The following RGS7 variants were observed in gnomAD, a reference collection of about 807,000 sequenced individuals.
The protein encoded by RGS7 is regulator of G protein signaling 7.
In RGS7, 27 loss-of-function variants were observed where a neutral mutation model predicts 81.1. The ratio of observed to expected loss-of-function variants is 0.33; its 90% CI spans 0.25 to 0.46. The LOEUF is 0.46. Among genes scored for constraint, RGS7 ranks in the 20% least tolerant of loss-of-function variants. The pLI is 1.00. For synonymous variants in RGS7, 208 were observed against 207.7 expected (o/e 1.00, Z -0.01); for missense variants, 396 against 607.4 (o/e 0.65, Z 3.66).
intron 2 of RGS7, among the ~76,000 whole-genome samples, chr1:241,256,708 G>T (rs906541607): frequency 6.6e-6 from 1 of 152,182 alleles, no homozygotes; most frequent in East Asian, 1.9e-4. Flanking sequence ...CAGGGAGTGA[G>T]AACAAGGTCT....
At chr1:240,999,498 T>A (rs1255737138) in intron 3 of RGS7, among the ~76,000 whole-genome samples, 1 of 152,236 alleles carries the variant, frequency 6.6e-6, no homozygotes, top group Non-Finnish European at 1.5e-5. Context: ...AAAATCTTTG[T>A]AAGCTAATCT....
intron 3 of RGS7, among the ~76,000 whole-genome samples, chr1:241,079,962 A>C (rs926910143): frequency 6.6e-6 from 1 of 152,160 alleles, no homozygotes; most frequent in Non-Finnish European, 1.5e-5. Flanking sequence ...TGTGAGAAAC[A>C]ATTTCAAGAG....
At chr1:240,967,684 T>C (rs1452448940) in intron 4 of RGS7, among the ~76,000 whole-genome samples, 1 of 149,160 alleles carries the variant, frequency 6.7e-6, no homozygotes, top group Admixed American at 6.7e-5. Flanking sequence ...ATATGGGGAG[T>C]AGGAAAGACA....
chr1:241,301,831 T>C (rs6429257), intron 2 of RGS7, among the ~76,000 whole-genome samples: 146,533 of 152,328 alleles, frequency 0.96, 70,731 homozygotes, highest in East Asian at 1. Flanking sequence ...GCAATGTGCA[T>C]TACCTTTATC....
intron 2 of RGS7, among the ~76,000 whole-genome samples, chr1:241,153,075 C>A (rs950630026): frequency 6.6e-6 from 1 of 152,212 alleles, no homozygotes; most frequent in African/African-American, 2.4e-5. Context: ...ACAAATAATA[C>A]ATTTCCCATA....
At chr1:240,862,128 C>T (rs770922787) in intron 9 of RGS7, among the ~76,000 whole-genome samples, 1 of 151,878 alleles carries the variant, frequency 6.6e-6, no homozygotes, top group Non-Finnish European at 1.5e-5. Context: ...GTTAAGAGTC[C>T]TTTTTAGTGT....
intron 2 of RGS7, among the ~76,000 whole-genome samples, chr1:241,182,719 G>C (rs2071733072): frequency 6.7e-6 from 1 of 150,172 alleles, no homozygotes; most frequent in Non-Finnish European, 1.5e-5. Context: ...TGTGATCTCG[G>C]CTCAGTGCAA....
chr1:241,128,128 A>T (rs1049281773), intron 2 of RGS7, among the ~76,000 whole-genome samples: 16 of 151,900 alleles, frequency 1.1e-4, no homozygotes, highest in African/African-American at 3.9e-4. Context: ...AATACAAAAA[A>T]TTAGCCGGGC....
intron 2 of RGS7, among the ~76,000 whole-genome samples, chr1:241,229,783 C>G (rs1278509727): frequency 6.6e-6 from 1 of 152,158 alleles, no homozygotes; most frequent in African/African-American, 2.4e-5. Context: ...GGGAAATGAT[C>G]AGAACTATTT....
chr1:241,025,835 A>G (rs567701359), intron 3 of RGS7, among the ~76,000 whole-genome samples: 105 of 152,310 alleles, frequency 6.9e-4, no homozygotes, highest in Admixed American at 2.9e-3. Context: ...AATTCACAAA[A>G]TATGATTGAC....
At chr1:241,203,345 G>A (rs1186908917) in intron 2 of RGS7, among the ~76,000 whole-genome samples, 1 of 152,132 alleles carries the variant, frequency 6.6e-6, no homozygotes, top group African/African-American at 2.4e-5. Flanking sequence ...CGATTCTCCT[G>A]TCTCAGCCTC....
chr1:240,990,223 T>G (rs912624798), intron 3 of RGS7, among the ~76,000 whole-genome samples: 3 of 152,174 alleles, frequency 2.0e-5, no homozygotes, highest in Admixed American at 6.5e-5. Flanking sequence ...ATGAGTGCTT[T>G]GCAGACATAA....
At chr1:241,075,851 T>G (rs1443108977) in intron 3 of RGS7, among the ~76,000 whole-genome samples, 1 of 152,214 alleles carries the variant, frequency 6.6e-6, no homozygotes, top group Non-Finnish European at 1.5e-5. Context: ...CTCATCACCT[T>G]GAGGTACTGT....
At chr1:241,016,959 T>C (rs1191762169) in intron 3 of RGS7, among the ~76,000 whole-genome samples, 2 of 152,204 alleles carry the variant, frequency 1.3e-5, no homozygotes, top group Admixed American at 1.3e-4. Flanking sequence ...TGATTCTATT[T>C]TATCTCCTCT....
intron 2 of RGS7, among the ~76,000 whole-genome samples, chr1:241,238,966 C>CTCTCT (rs397786851): frequency 0.12 from 13,108 of 106,842 alleles, 955 homozygotes; most frequent in Middle Eastern, 0.16. Context: ...GCCTCTCTCT[C>CTCTCT]TTTTTTTTTT....
chr1:241,266,720 C>T (rs751795653), intron 2 of RGS7, among the ~76,000 whole-genome samples: 1 of 152,202 alleles, frequency 6.6e-6, no homozygotes, highest in Non-Finnish European at 1.5e-5. Flanking sequence ...ATTCATTCAA[C>T]TAACATTTAC....
At chr1:240,879,983 T>C (rs144680270) in intron 6 of RGS7, among the ~76,000 whole-genome samples, 250 of 152,358 alleles carry the variant, frequency 1.6e-3, no homozygotes, top group African/African-American at 5.6e-3. Context: ...AAAAAGTCTA[T>C]ATTTGCTGAA....
intron 3 of RGS7, among the ~76,000 whole-genome samples, chr1:241,068,134 T>A (rs1261551192): frequency 2.6e-5 from 4 of 151,040 alleles, no homozygotes; most frequent in Non-Finnish European, 4.4e-5. Flanking sequence ...TGAAAGCTAA[T>A]AACACAATAC....
intron 2 of RGS7, among the ~76,000 whole-genome samples, chr1:241,109,159 A>C (rs1052241102): frequency 6.6e-6 from 1 of 152,172 alleles, no homozygotes; most frequent in Non-Finnish European, 1.5e-5. Context: ...TATGACGCCC[A>C]ACTGTCATTC....
Sources: gnomAD v4.1 joint callset for allele counts (sites outside exome capture counted in the v4.1 genomes callset) on GRCh38, gnomAD v4.1.1 for gene constraint, MANE v1.5 for transcripts, NCBI Gene and HGNC (gene_info 2026-07-23, HGNC 2026-07-21) for gene names.